The following MIX23 variants were observed in gnomAD, a reference collection of about 807,000 sequenced individuals.
MIX23 encodes protein MIX23.
MIX23 carries 13 observed loss-of-function variants against 21.6 expected under a neutral mutation model. That is an observed-to-expected ratio of 0.60 (90% CI 0.39 to 0.96). The LOEUF (loss-of-function observed/expected upper bound fraction) is 0.96. Among genes scored for constraint, MIX23 ranks in the 40% least tolerant of loss-of-function variants. The pLI, the probability that MIX23 is intolerant of heterozygous loss-of-function variation, is 0.00. For missense variants in MIX23, 144 were observed against 171.2 expected (o/e 0.84, Z 0.89); for synonymous variants, 59 against 58.0 (o/e 1.02, Z -0.08).
At chr3:122,372,896 A>C in intron 1 of MIX23, 1 of 322,672 alleles carries the variant, frequency 3.1e-6, no homozygotes, top group Non-Finnish European at 6.1e-6. Flanking sequence ...CTTATTATTG[A>C]AAACATCCAA....
chr3:122,380,789 G>C (rs978028578), intron 1 of MIX23, among the ~76,000 whole-genome samples: 8 of 152,156 alleles, frequency 5.3e-5, no homozygotes, highest in African/African-American at 1.9e-4. Flanking sequence ...AGATTGAAGG[G>C]GGAATATAGT....
chr3:122,381,337 G>C (rs557417383), intron 1 of MIX23, among the ~76,000 whole-genome samples: 1 of 152,272 alleles, frequency 6.6e-6, no homozygotes, highest in East Asian at 1.9e-4. Flanking sequence ...CAACATGACT[G>C]TATCTGGAGA....
intron 1 of MIX23, among the ~76,000 whole-genome samples, chr3:122,376,463 C>CA (rs1219694099): frequency 1.3e-5 from 2 of 151,782 alleles, no homozygotes; most frequent in African/African-American, 4.8e-5. Context: ...ACTAAAAATA[C>CA]AAAAAAATAG....
intron 2 of MIX23, among the ~76,000 whole-genome samples, chr3:122,369,906 C>T (rs117106137): frequency 0.02 from 3,090 of 152,216 alleles, 107 homozygotes; most frequent in East Asian, 0.17. Context: ...CACACCACTA[C>T]GTCCAGCTAA....
chr3:122,361,255 CAATT>C (rs1445931465), intron 4 of MIX23, among the ~76,000 whole-genome samples: 1 of 152,186 alleles, frequency 6.6e-6, no homozygotes, highest in Non-Finnish European at 1.5e-5. Flanking sequence ...ATGCATCTCA[CAATT>C]AATAGAAAAT....
chr3:122,362,925 G>A lies in MIX23; in HGVS notation c.384+43C>T, dbSNP rs763936746. 10 of 1,551,824 alleles carry A rather than the reference G, an allele frequency of 6.4e-6. No homozygotes were observed. The East Asian group carries it at 1.8e-4, about 28-fold the overall frequency. On this transcript the variant is annotated intron_variant, in intron 4 of 4. Coordinates refer to ENST00000291458, the MANE Select transcript of MIX23 (RefSeq NM_001017928.4). ...CCCTTGGTTTCCCTTTGCTAGTTCA[G>A]TTTCCCTCCTACTTCTTTCCAAACA...
chr3:122,363,247 T>A (rs2075372726), intron 3 of MIX23, among the ~76,000 whole-genome samples: 1 of 152,076 alleles, frequency 6.6e-6, no homozygotes, highest in African/African-American at 2.4e-5. Context: ...TTGCTGCATA[T>A]CCTAATCACC....
rs139441254 is a variant in MIX23, at chr3:122,359,627, A to ATTTT, written c.*241_*242insAAAA. On this transcript the variant is annotated 3_prime_UTR_variant, in exon 5 of 5. Transcript: ENST00000291458. The stretch of plus-strand genomic sequence containing the variant: ...AGAAAATTATTTTAATAGTTACAAA[A>ATTTT]ATTTTTTTTTTTTTTTTTTACAGAA... The ATTTT allele has an allele frequency of 1.5e-3, 384 of 254,294 alleles. 1 individual carries two copies. The highest frequency in any genetic ancestry group is 8.1e-3 in the Middle Eastern group (7 of 868). 15.8% of individuals were successfully genotyped at this position (254,294 alleles called of 1,614,324 possible). A position where few individuals can be genotyped will look rare whatever the true frequency, so the allele number is the denominator to read the frequency against.
At chr3:122,373,213 A>C (rs551513516) in intron 1 of MIX23, among the ~76,000 whole-genome samples, 2 of 152,184 alleles carry the variant, frequency 1.3e-5, no homozygotes, top group South Asian at 4.2e-4. Context: ...GTAACATTTT[A>C]AAATCTGGCT....
intron 1 of MIX23, 127 bp downstream of exon 1, chr3:122,383,047 G>A: frequency 3.1e-6 from 4 of 1,286,848 alleles, no homozygotes; most frequent in Admixed American, 1.7e-5. Flanking sequence ...GACCTCCAAT[G>A]GCTCGAGAAA....
In MIX23 at chr3:122,383,202, A is replaced by G; in HGVS notation, c.23T>C (p.Val8Ala). MAAPSGG[V>A]NCEEFAEFQE... ...GAACTCGGCGAACTCCTCACAGTTC[A>G]CACCGCCACTGGGCGCCGCCATATT... The change falls in exon 1 of 5, where the codon GTG becomes GCG. Residue 8 changes from valine (V) to alanine (A), a missense_variant. By Grantham distance (64) the Val-to-Ala change is moderately conservative. Transcript: ENST00000291458. 3 of 1,613,234 alleles carry G rather than the reference A, an allele frequency of 1.9e-6. No individual in the cohort carries two copies. Among genetic ancestry groups the G allele is most frequent in the Non-Finnish European group, 2.5e-6 (3 of 1,180,030 alleles).
At chr3:122,373,136 T>G in intron 1 of MIX23, 2 of 319,470 alleles carry the variant, frequency 6.3e-6, no homozygotes, top group Admixed American at 8.1e-5. Flanking sequence ...TATCAACATT[T>G]TAATATGTCC....
chr3:122,367,942 G>A, intron 3 of MIX23: 1 of 506,982 alleles, frequency 2.0e-6, no homozygotes, highest in Non-Finnish European at 3.5e-6. Context: ...TTATGACTGT[G>A]CTTATTTTAG....
At chr3:122,381,584 C>T (rs905112200) in intron 1 of MIX23, among the ~76,000 whole-genome samples, 8 of 151,864 alleles carry the variant, frequency 5.3e-5, no homozygotes, top group Admixed American at 3.3e-4. Context: ...AAAAATTAAC[C>T]GGGCACGGTG....
At chr3:122,380,796 T>C (rs1408111246) in intron 1 of MIX23, among the ~76,000 whole-genome samples, 1 of 152,092 alleles carries the variant, frequency 6.6e-6, no homozygotes, top group Non-Finnish European at 1.5e-5. Flanking sequence ...AGGGGGAATA[T>C]AGTAGAGAAA....
chr3:122,373,405 G>A (rs918942456), intron 1 of MIX23, among the ~76,000 whole-genome samples: 1 of 151,794 alleles, frequency 6.6e-6, no homozygotes, highest in African/African-American at 2.4e-5. Context: ...TCAAATAGCT[G>A]CAACCACAGG....
rs766471171 is a variant in MIX23, at chr3:122,371,697, G to C, written c.155C>G (p.Thr52Ser). 142 of 1,612,206 alleles carry C rather than the reference G, an allele frequency of 8.8e-5. No individual in the cohort carries two copies. The highest frequency in any genetic ancestry group is 1.2e-4 in the Non-Finnish European group (139 of 1,179,856). Residue 52 changes from threonine (T) to serine (S), a missense_variant, in exon 2 of 5, where the codon ACC becomes AGC. Thr to Ser is a moderately conservative substitution (Grantham distance 58, BLOSUM62 1). Coordinates refer to ENST00000291458, the MANE Select transcript of MIX23 (RefSeq NM_001017928.4). ...TACAGACTCATAAAGTTGTTTACAG[G>C]TTTGGCTGGCATCAATTTTCCCTGC... ...SFAGKIDASQ[T>S]CKQLYESLMA...
chr3:122,370,309 C>T (rs1049521869), intron 2 of MIX23, among the ~76,000 whole-genome samples: 2 of 151,686 alleles, frequency 1.3e-5, no homozygotes, highest in African/African-American at 2.4e-5. Flanking sequence ...CAAAAAAAAT[C>T]AGCCAGGCAT....
intron 2 of MIX23, among the ~76,000 whole-genome samples, chr3:122,369,180 C>G (rs2075419327): frequency 6.6e-6 from 1 of 152,000 alleles, no homozygotes; most frequent in South Asian, 2.1e-4. Context: ...TTTATGTTTA[C>G]CATGGGAATA....
Sources: gnomAD v4.1 joint callset for allele counts (sites outside exome capture counted in the v4.1 genomes callset) on GRCh38, gnomAD v4.1.1 for gene constraint, MANE v1.5 for transcripts, NCBI Gene and HGNC (gene_info 2026-07-23, HGNC 2026-07-21) for gene names.